The following RORA variants were observed in gnomAD, a reference collection of about 807,000 sequenced individuals.
The protein encoded by RORA is nuclear receptor ROR-alpha.
Under a neutral mutation model 69.5 loss-of-function variants are expected in RORA, and 7 were observed. That is an observed-to-expected ratio of 0.10 (90% CI 0.06 to 0.19). The LOEUF (loss-of-function observed/expected upper bound fraction) is 0.19, where lower values mean the gene tolerates loss of function less well. RORA is among the 10% of genes least tolerant of loss of function. The pLI, the probability that RORA is intolerant of heterozygous loss-of-function variation, is 1.00. For missense variants in RORA, 457 were observed against 663.0 expected (o/e 0.69, Z 3.41); for synonymous variants, 261 against 240.8 (o/e 1.08, Z -0.78).
chr15:60,946,870 C>T (rs1383842757), intron 1 of RORA, among the ~76,000 whole-genome samples: 17 of 151,806 alleles, frequency 1.1e-4, no homozygotes, highest in Admixed American at 3.3e-4. Flanking sequence ...GGGAGCGCCT[C>T]TGCCCCGCCG....
At chr15:60,688,274 T>A (rs982764490) in intron 1 of RORA, among the ~76,000 whole-genome samples, 1 of 152,020 alleles carries the variant, frequency 6.6e-6, no homozygotes, top group Admixed American at 6.6e-5. Flanking sequence ...AAAAAATGTA[T>A]AGAAAAAAGA....
rs779768442 is a variant in RORA, at chr15:60,762,410, G to C, written c.167-83724C>G. On this transcript the variant is annotated intron_variant, in intron 1 of 10. Coordinates refer to ENST00000335670, the MANE Select transcript of RORA (RefSeq NM_134261.3). The stretch of plus-strand genomic sequence containing the variant: ...CAGATGTGAATAACTGAAGACAGAT[G>C]TGCTGTATTTCTATCAAACCAGAGG... Among the ~76,000 whole-genome samples, 5 of 152,308 alleles carry C rather than the reference G, an allele frequency of 3.3e-5. No individual in the cohort carries two copies. The South Asian group carries it at 6.2e-4, about 19-fold the overall frequency.
At position 60,961,076 on chromosome 15, in the gene RORA, C is replaced by T. The variant is rs577072701; in HGVS notation, c.166+267977G>A. Among the ~76,000 whole-genome samples, 53 of 152,308 alleles carry T rather than the reference C, an allele frequency of 3.5e-4. 1 individual carries two copies. In the South Asian group the frequency reaches 6.6e-3, roughly 19 times the overall value. On this transcript the variant is annotated intron_variant, in intron 1 of 10. Coordinates refer to ENST00000335670, the MANE Select transcript of RORA (RefSeq NM_134261.3). ...TCTTTCCCAAGTCTGACCACTCCAT[C>T]AAGGTCAAGGGCAAATCTCACCTCC...
intron 1 of RORA, among the ~76,000 whole-genome samples, chr15:60,772,060 T>C (rs2072084107): frequency 6.6e-6 from 1 of 152,080 alleles, no homozygotes; most frequent in Admixed American, 6.5e-5. Context: ...TTTTTATTTT[T>C]ATTTATTTAT....
chr15:60,975,553 G>A (rs4775340), intron 1 of RORA, among the ~76,000 whole-genome samples: 51,605 of 151,978 alleles, frequency 0.34, 9,640 homozygotes, highest in Non-Finnish European at 0.42. Context: ...GAACATGTGG[G>A]GTCCTATTCA....
chr15:60,910,014 C>T (rs1262997177), intron 1 of RORA, among the ~76,000 whole-genome samples: 3 of 152,216 alleles, frequency 2.0e-5, no homozygotes. Flanking sequence ...CCTTCAGCCT[C>T]ATAATTGAGT....
chr15:60,662,781 C>A (rs2140720757), intron 2 of RORA, among the ~76,000 whole-genome samples: 1 of 152,178 alleles, frequency 6.6e-6, no homozygotes, highest in South Asian at 2.1e-4. Context: ...ATGTTTTTCA[C>A]AAAAGCTAGA....
At chr15:61,174,624 G>C (rs924751098) in intron 1 of RORA, among the ~76,000 whole-genome samples, 1 of 152,174 alleles carries the variant, frequency 6.6e-6, no homozygotes, top group Admixed American at 6.5e-5. Flanking sequence ...ATTTGCATTT[G>C]TCATCCTTAT....
chr15:61,066,032 G>A (rs1009483344), intron 1 of RORA, among the ~76,000 whole-genome samples: 1 of 152,132 alleles, frequency 6.6e-6, no homozygotes, highest in Non-Finnish European at 1.5e-5. Flanking sequence ...TAGGGTTTGG[G>A]CCTTTTACTT....
In RORA at chr15:61,021,120, T is replaced by C. The variant is rs16943518; in HGVS notation, c.166+207933A>G. On this transcript the variant is annotated intron_variant, in intron 1 of 10. Coordinates refer to ENST00000335670, the MANE Select transcript of RORA (RefSeq NM_134261.3). Reference sequence around the variant, plus strand: ...AGTAGCAGCTGCGGCAAGCACCAAGTTCACACCTGTGTTCCAACGCTGGGG... The same window carrying C: ...AGTAGCAGCTGCGGCAAGCACCAAGCTCACACCTGTGTTCCAACGCTGGGG... Among the ~76,000 whole-genome samples, 605 of 152,244 alleles carry C rather than the reference T, an allele frequency of 4.0e-3. 4 individuals are homozygous for C. Among genetic ancestry groups the C allele is most frequent in the African/African-American group, 0.014 (580 of 41,550 alleles).
At chr15:60,901,867 T>C (rs1169310453) in intron 1 of RORA, among the ~76,000 whole-genome samples, 1 of 152,174 alleles carries the variant, frequency 6.6e-6, no homozygotes, top group Non-Finnish European at 1.5e-5. Flanking sequence ...ATTCCAGTAG[T>C]GAAACTGTGA....
chr15:60,630,749 A>G lies in RORA; in HGVS notation c.196+47908T>C, dbSNP rs572239545. ...ACTCCTTTCTCCTCTGTACCTCCTT[A>G]GAGATATAGGGCTAAGACAGCCCAG... On this transcript the variant is annotated intron_variant, in intron 2 of 10. Transcript: ENST00000335670. 2.6e-5 allele frequency: 4 copies of G among 151,996 alleles called. No homozygotes were observed. In the South Asian group the frequency reaches 8.3e-4, roughly 31 times the overall value. The allele number at this position is 151,996 out of a possible 1,614,324, so 9.4% of individuals were successfully genotyped here. A position where few individuals can be genotyped will look rare whatever the true frequency, so the allele number is the denominator to read the frequency against.
At chr15:61,210,653 G>A (rs1438888217) in intron 1 of RORA, among the ~76,000 whole-genome samples, 1 of 151,996 alleles carries the variant, frequency 6.6e-6, no homozygotes, top group African/African-American at 2.4e-5. Context: ...TGTAAACTAA[G>A]AAAAAAATAG....
At chr15:61,191,905 AT>A (rs2079803787) in intron 1 of RORA, among the ~76,000 whole-genome samples, 1 of 152,240 alleles carries the variant, frequency 6.6e-6, no homozygotes, top group Non-Finnish European at 1.5e-5. Flanking sequence ...GTCAAATACT[AT>A]TGCCATTCAA....
At chr15:60,680,666 G>A (rs1357833894) in intron 1 of RORA, among the ~76,000 whole-genome samples, 1 of 151,806 alleles carries the variant, frequency 6.6e-6, no homozygotes, top group Non-Finnish European at 1.5e-5. Flanking sequence ...CACTTATATT[G>A]GAGTTGCCAG....
intron 2 of RORA, among the ~76,000 whole-genome samples, chr15:60,631,722 T>C (rs2069741141): frequency 6.6e-6 from 1 of 152,228 alleles, no homozygotes; most frequent in Non-Finnish European, 1.5e-5. Flanking sequence ...GCATGCCCAG[T>C]ACGGCTAAGG....
At chr15:60,663,701 C>T (rs2070338619) in intron 2 of RORA, among the ~76,000 whole-genome samples, 1 of 152,194 alleles carries the variant, frequency 6.6e-6, no homozygotes, top group East Asian at 1.9e-4. Flanking sequence ...GTGATTCACC[C>T]ACCTCAGCCT....
chr15:60,890,437 C>G (rs955336952), intron 1 of RORA, among the ~76,000 whole-genome samples: 2 of 152,204 alleles, frequency 1.3e-5, no homozygotes, highest in Admixed American at 6.5e-5. Flanking sequence ...CTTGTCCACA[C>G]CATCTCCGCT....
chr15:60,617,670 A>G (rs2069285508), intron 2 of RORA, among the ~76,000 whole-genome samples: 1 of 150,734 alleles, frequency 6.6e-6, no homozygotes, highest in Admixed American at 6.7e-5. Flanking sequence ...AGAGAGAGAG[A>G]GAGAGAGAGA....
Sources: gnomAD v4.1 joint callset for allele counts (sites outside exome capture counted in the v4.1 genomes callset) on GRCh38, gnomAD v4.1.1 for gene constraint, MANE v1.5 for transcripts, NCBI Gene and HGNC (gene_info 2026-07-23, HGNC 2026-07-21) for gene names.